Variants in KCNQ1 observed in about 807,000 individuals in gnomAD.
KCNQ1 encodes the protein potassium voltage-gated channel subfamily KQT member 1.
KCNQ1 carries 49 observed loss-of-function variants against 72.4 expected under a neutral mutation model. The ratio of observed to expected loss-of-function variants is 0.68; its 90% CI spans 0.54 to 0.86. The LOEUF (loss-of-function observed/expected upper bound fraction) is 0.86. Among genes scored for constraint, KCNQ1 ranks in the 40% least tolerant of loss-of-function variants. The pLI, the probability that KCNQ1 is intolerant of heterozygous loss-of-function variation, is 0.00. For synonymous variants in KCNQ1, 450 were observed against 412.6 expected (o/e 1.09, Z -1.10); for missense variants, 790 against 945.1 (o/e 0.84, Z 2.15).
At chr11:2,846,823 C>T (rs749515327) in intron 15 of KCNQ1, among the ~76,000 whole-genome samples, 3 of 152,272 alleles carry the variant, frequency 2.0e-5, no homozygotes, top group Non-Finnish European at 4.4e-5. Context: ...CTCCGCAGCA[C>T]TGCGAGGCCT....
chr11:2,586,939 C>T (rs769976468), intron 8 of KCNQ1, among the ~76,000 whole-genome samples: 12 of 152,160 alleles, frequency 7.9e-5, no homozygotes, highest in Non-Finnish European at 1.2e-4. Flanking sequence ...GGTCCCCTGC[C>T]GATAGTGTCC....
Position 2,762,892 on chromosome 11 carries a change from C to T in KCNQ1, c.1515-5952C>T, listed in dbSNP as rs1358215799. On this transcript the variant is annotated intron_variant, in intron 11 of 15. Transcript: ENST00000155840. The surrounding 1 kb of genome is among the most constrained non-coding windows in gnomAD (Gnocchi z 4.3). ...TTGGGGAACCACTGCCCTATTCCGTCAGACCCCCACTGTTCATCTGTCTGC... is the reference window on the plus strand; with the variant it reads ...TTGGGGAACCACTGCCCTATTCCGTTAGACCCCCACTGTTCATCTGTCTGC... Among the ~76,000 whole-genome samples the T allele has an allele frequency of 6.6e-6, 1 of 152,118 alleles. No individual in the cohort carries two copies. The highest frequency in any genetic ancestry group is 1.5e-5 in the Non-Finnish European group (1 of 68,036).
rs972385233 is a variant in KCNQ1, at chr11:2,612,108, A to G, written c.1393+23254A>G. On this transcript the variant is annotated intron_variant, in intron 10 of 15. Coordinates refer to ENST00000155840, the MANE Select transcript of KCNQ1 (RefSeq NM_000218.3). The surrounding 1 kb of genome is among the most constrained non-coding windows in gnomAD (Gnocchi z 5.5). ...CATCCTGTTAGGACAGGGGTTCCCAACCCCAGGGCCATGGACTGGTACCAG... is the reference window on the plus strand; with the variant it reads ...CATCCTGTTAGGACAGGGGTTCCCAGCCCCAGGGCCATGGACTGGTACCAG... 2.5e-6 allele frequency: 1 copy of G among 398,460 alleles called. No homozygotes were observed. The highest frequency in any genetic ancestry group is 2.1e-5 in the African/African-American group (1 of 48,610). 24.7% of individuals were successfully genotyped at this position (398,460 alleles called of 1,614,324 possible).
chr11:2,614,963 G>T, intron 10 of KCNQ1: 1 of 398,378 alleles, frequency 2.5e-6, no homozygotes, highest in Non-Finnish European at 4.4e-6. Context: ...GGGTTGCATT[G>T]AATCTGTAGA....
At chr11:2,578,421 T>A (rs1201810866) in intron 6 of KCNQ1, among the ~76,000 whole-genome samples, 1 of 152,210 alleles carries the variant, frequency 6.6e-6, no homozygotes, top group South Asian at 2.1e-4. Flanking sequence ...CTGGAACCAC[T>A]GAGACAGGCA....
chr11:2,773,730 G>C (rs930404431), intron 12 of KCNQ1, among the ~76,000 whole-genome samples: 1 of 109,318 alleles, frequency 9.1e-6, no homozygotes, highest in Admixed American at 8.3e-5. Flanking sequence ...TCTTCCAAAA[G>C]GGAGGATCAG....
intron 1 of KCNQ1, among the ~76,000 whole-genome samples, chr11:2,496,433 T>A (rs1451876562): frequency 7.0e-6 from 1 of 143,480 alleles, no homozygotes; most frequent in African/African-American, 2.6e-5. Context: ...TGAGACTCCA[T>A]CTCAGAAAAA....
intron 1 of KCNQ1, among the ~76,000 whole-genome samples, chr11:2,474,103 C>A (rs987840283): frequency 6.6e-6 from 1 of 152,012 alleles, no homozygotes; most frequent in African/African-American, 2.4e-5. Flanking sequence ...GGTTTTTTGT[C>A]TTTCTTTCGA....
In KCNQ1 at chr11:2,528,005, C is replaced by T. The variant is rs1847541546; in HGVS notation, c.464C>T (p.Thr155Ile). 2 of 1,613,242 alleles carry T rather than the reference C, an allele frequency of 1.2e-6. No individual in the cohort carries two copies. The highest frequency in any genetic ancestry group is 1.3e-5 in the African/African-American group (1 of 74,914). ...CAGTATGCCGCCCTGGCCACGGGGA[C>T]TCTCTTCTGGATGGTACGTAGCATC... is the stretch of plus-strand genomic sequence containing the variant. ...IEQYAALATG[T>I]LFWMEIVLVV... The change falls in exon 2 of 16, where the codon ACT (threonine) becomes ATT (isoleucine). Residue 155 changes from threonine to isoleucine, a missense_variant. Transcript: ENST00000155840.
chr11:2,508,570 A>G lies in KCNQ1; in HGVS notation c.387-19358A>G, dbSNP rs1187366141. Among the ~76,000 whole-genome samples the G allele has an allele frequency of 2.0e-5, 3 of 151,822 alleles. No homozygotes were observed. Among genetic ancestry groups the G allele is most frequent in the Admixed American group, 2.0e-4 (3 of 15,272 alleles). On this transcript the variant is annotated intron_variant, in intron 1 of 15. Coordinates refer to ENST00000155840, the MANE Select transcript of KCNQ1 (RefSeq NM_000218.3). The surrounding 1 kb of genome is among the most constrained non-coding windows in gnomAD (Gnocchi z 6.2). ...GTTTCGGGGCAGGGTCCCAGCCTCC[A>G]TGTACGGGGCTGGGACCCACCAGGA...
At chr11:2,662,555 C>T in intron 11 of KCNQ1, 1 of 428,510 alleles carries the variant, frequency 2.3e-6, no homozygotes, top group Non-Finnish European at 4.1e-6. Flanking sequence ...AGTTGGCCTT[C>T]CCCTGAGGCA....
chr11:2,532,774 C>T (rs571229227), intron 2 of KCNQ1, among the ~76,000 whole-genome samples: 39 of 152,298 alleles, frequency 2.6e-4, no homozygotes, highest in African/African-American at 5.1e-4. Flanking sequence ...GCAGAAGTCA[C>T]CTGACAGCAG....
At position 2,492,663 on chromosome 11, in the gene KCNQ1, C is replaced by T. The variant is rs1194420978; in HGVS notation, c.387-35265C>T. ...TGCCGAGAATGGTTTCCAGCTTCAT[C>T]CCCACAAAAGACATGAACTCATTCT... is the stretch of plus-strand genomic sequence containing the variant. On this transcript the variant is annotated intron_variant, in intron 1 of 15. Transcript: ENST00000155840. The surrounding 1 kb of genome is among the most constrained non-coding windows in gnomAD (Gnocchi z 4.1). Among the ~76,000 whole-genome samples, 1 of 149,148 alleles carries T rather than the reference C, an allele frequency of 6.7e-6. No individual in the cohort carries two copies. Among genetic ancestry groups the T allele is most frequent in the Non-Finnish European group, 1.5e-5 (1 of 66,030 alleles).
In KCNQ1 at chr11:2,486,460, C is replaced by T. The variant is rs923570055; in HGVS notation, c.386+40976C>T. 6.6e-6 allele frequency among the ~76,000 whole-genome samples: 1 copy of T among 151,998 alleles called. No individual in the cohort carries two copies. The highest frequency in any genetic ancestry group is 2.4e-5 in the African/African-American group (1 of 41,362). ...CATTCTGTGGGGTGCCTTTTTACTC[C>T]GTTGATAGTGTCTTTGTACAAAAAT... On this transcript the variant is annotated intron_variant, in intron 1 of 15. Transcript: ENST00000155840. This position sits in a 1 kb window ranked among gnomAD's most constrained non-coding sequence, Gnocchi z 5.0.
rs1283865856 is a variant in KCNQ1, at chr11:2,676,117, GCTC to G, written c.1514+14039_1514+14041del. 1.0e-5 allele frequency: 4 copies of G among 398,404 alleles called. No individual in the cohort carries two copies. Among genetic ancestry groups the G allele is most frequent in the Middle Eastern group, 1.2e-3 (2 of 1,610 alleles). The allele number at this position is 398,404 out of a possible 1,614,324, so 24.7% of individuals were successfully genotyped here. ...TGTGTGCATGTACTTAGTAGATACGGCTCCTTTTTATACAAATGGTAGCATACT... is the reference window on the plus strand; with the variant it reads ...TGTGTGCATGTACTTAGTAGATACGGCTTTTTATACAAATGGTAGCATACT... On this transcript the variant is annotated intron_variant, in intron 11 of 15. Transcript: ENST00000155840. The surrounding 1 kb of genome is among the most constrained non-coding windows in gnomAD (Gnocchi z 4.2).
chr11:2,630,748 A>C (rs1849339468), intron 10 of KCNQ1: 4 of 398,456 alleles, frequency 1.0e-5, no homozygotes, highest in African/African-American at 8.2e-5. Flanking sequence ...TCCCTCTGGC[A>C]TATCTTGTAA....
chr11:2,749,584 C>T (rs1335399870), intron 11 of KCNQ1, among the ~76,000 whole-genome samples: 4 of 143,960 alleles, frequency 2.8e-5, no homozygotes, highest in South Asian at 4.5e-4. Context: ...CCGAGGCGGG[C>T]GGATCACGAG....
rs1848356187 is a variant in KCNQ1, at chr11:2,572,717, T to G, written c.781-129T>G. 6.6e-6 allele frequency: 8 copies of G among 1,213,180 alleles called. No individual in the cohort carries two copies. In the East Asian group the frequency reaches 2.0e-4, roughly 31 times the overall value. 75.2% of individuals were successfully genotyped at this position (1,213,180 alleles called of 1,614,324 possible). A position where few individuals can be genotyped will look rare whatever the true frequency, so the allele number is the denominator to read the frequency against. Reference sequence around the variant, plus strand: ...GTGGGCTATATTGAAGCCGGCCCTGTGCATGTGAACCGCGCTGGAGCGGCG... The same window carrying G: ...GTGGGCTATATTGAAGCCGGCCCTGGGCATGTGAACCGCGCTGGAGCGGCG... On this transcript the variant is annotated intron_variant, in intron 5 of 15. Coordinates refer to ENST00000155840, the MANE Select transcript of KCNQ1 (RefSeq NM_000218.3).
At chr11:2,609,858 A>G (rs1321699867) in intron 10 of KCNQ1, 3 of 398,180 alleles carry the variant, frequency 7.5e-6, no homozygotes, top group Non-Finnish European at 8.9e-6. Context: ...GTTGCTGCTT[A>G]CATGATATAT....
Sources: allele counts gnomAD v4.1 joint callset (sites outside exome capture counted in the v4.1 genomes callset), GRCh38; gene constraint gnomAD v4.1.1; non-coding constraint Gnocchi (gnomAD v3.1); transcripts MANE v1.5; gene names NCBI Gene and HGNC (gene_info 2026-07-23, HGNC 2026-07-21).